Variants in IGF2R observed in about 807,000 individuals in gnomAD.
IGF2R encodes cation-independent mannose-6-phosphate receptor.
Under a neutral mutation model 270.6 loss-of-function variants are expected in IGF2R, and 91 were observed. The ratio of observed to expected loss-of-function variants is 0.34; its 90% CI spans 0.28 to 0.40. The LOEUF is 0.40. IGF2R is among the 10% of genes least tolerant of loss of function. The pLI is 1.00. For missense variants in IGF2R, 2,805 were observed against 3,188.3 expected (o/e 0.88, Z 2.90); for synonymous variants, 1,316 against 1,258.9 (o/e 1.05, Z -0.96).
At chr6:160,047,938 C>A (rs756691172) in intron 17 of IGF2R, 31 bp downstream of exon 17, 2 of 1,390,700 alleles carry the variant, frequency 1.4e-6, no homozygotes, top group African/African-American at 1.4e-5. Context: ...CTGTTTTTGG[C>A]CTGGTACAGA....
At chr6:160,007,896 C>A (rs1306844482) in intron 2 of IGF2R, among the ~76,000 whole-genome samples, 1 of 152,150 alleles carries the variant, frequency 6.6e-6, no homozygotes, top group African/African-American at 2.4e-5. Flanking sequence ...CTTAAGAAAT[C>A]TTTCTCTATC....
At position 160,008,284 on chromosome 6, in the gene IGF2R, C is replaced by T. The variant is rs535198859; in HGVS notation, c.290-726C>T. Reference sequence around the variant, plus strand: ...TTTGTTTCCAGTTCCGTTTTTATTTCCAGTTCTGTTTATTGAACAGCCTCC... The same window carrying T: ...TTTGTTTCCAGTTCCGTTTTTATTTTCAGTTCTGTTTATTGAACAGCCTCC... On this transcript the variant is annotated intron_variant, in intron 2 of 47. Transcript: ENST00000356956. Among the ~76,000 whole-genome samples the T allele has an allele frequency of 6.0e-5, 9 of 151,234 alleles. No homozygotes were observed. The South Asian group carries it at 2.0e-3, about 33-fold the overall frequency.
At position 160,089,952 on chromosome 6, in the gene IGF2R, G is replaced by A; in HGVS notation, c.6504G>A (p.Gly2168=). 1 of 1,601,056 alleles carries A rather than the reference G, an allele frequency of 6.2e-7. No homozygotes were observed. The highest frequency in any genetic ancestry group is 8.5e-7 in the Non-Finnish European group (1 of 1,174,036). ...FRASGDMRTN[G]DNYLYEIQLS... The stretch of plus-strand genomic sequence containing the variant: ...CCTCTGGGGACATGAGGACCAATGG[G>A]GACAACTACCTGTATGAGATCCAAC... Residue 2168 remains glycine (G), a synonymous_variant, in exon 44 of 48, where the codon GGG becomes GGA. Transcript: ENST00000356956.
At chr6:160,022,025 CA>C (rs1777450158) in intron 4 of IGF2R, among the ~76,000 whole-genome samples, 1 of 151,860 alleles carries the variant, frequency 6.6e-6, no homozygotes, top group East Asian at 1.9e-4. Context: ...CACACACACA[CA>C]CACACACACA....
intron 27 of IGF2R, among the ~76,000 whole-genome samples, chr6:160,064,038 C>T (rs1438576930): frequency 6.6e-6 from 1 of 152,188 alleles, no homozygotes; most frequent in African/African-American, 2.4e-5. Context: ...GCTGTTTCAG[C>T]AGTTGGGCAA....
Position 160,075,857 on chromosome 6 carries a change from G to A in IGF2R, c.5177G>A (p.Arg1726Gln), listed in dbSNP as rs747826639. 9.3e-6 allele frequency: 15 copies of A among 1,613,518 alleles called. No individual in the cohort carries two copies. Among genetic ancestry groups the A allele is most frequent in the African/African-American group, 1.3e-5 (1 of 75,034 alleles). Residue 1726 changes from arginine to glutamine, a missense_variant, in exon 36 of 48, where the codon CGG (arginine) becomes CAG (glutamine). Coordinates refer to ENST00000356956, the MANE Select transcript of IGF2R (RefSeq NM_000876.4). ...TCGCTCTTTGTTTAGGATATCGGCC[G>A]GGTAGCAGGACCACCAATACTCAAT... Reference protein sequence around the residue: ...PIDGPPIDIGRVAGPPILNPI... With the variant: ...PIDGPPIDIGQVAGPPILNPI...
Position 160,079,629 on chromosome 6 carries a change from TCGGGC to T in IGF2R, c.5530_5534del (p.Gly1844ArgfsTer6). 6.4e-7 allele frequency: 1 copy of T among 1,553,608 alleles called. No individual in the cohort carries two copies. Among genetic ancestry groups the T allele is most frequent in the Non-Finnish European group, 8.7e-7 (1 of 1,150,266 alleles). ...AGCGTTGGGGTGTGCACCTTTGCAG[TCGGGC>T]CAGAACAAGGAGGCTGTAAGGACGG... On this transcript the variant is annotated frameshift_variant, in exon 38 of 48. Transcript: ENST00000356956. LOFTEE classifies it high-confidence loss of function.
intron 4 of IGF2R, among the ~76,000 whole-genome samples, chr6:160,014,266 T>C (rs1430589160): frequency 6.6e-6 from 1 of 152,236 alleles, no homozygotes; most frequent in Admixed American, 6.5e-5. Context: ...TTATTATATA[T>C]AAAACAGCAT....
rs1160699908 is a variant in IGF2R at position 160,110,612 on chromosome 6, GC to G, written c.*5532del. 6.6e-6 allele frequency: 1 copy of G among 152,206 alleles called. No individual in the cohort carries two copies. Among genetic ancestry groups the G allele is most frequent in the Non-Finnish European group, 1.5e-5 (1 of 68,034 alleles). The allele number at this position is 152,206 out of a possible 1,614,324, so 9.4% of individuals were successfully genotyped here. A position where few individuals can be genotyped will look rare whatever the true frequency, so the allele number is the denominator to read the frequency against. On this transcript the variant is annotated 3_prime_UTR_variant, in exon 48 of 48. Transcript: ENST00000356956. ...TCAGTACCTTGAAGAGATCTCTGCA[GC>G]CCCTGTTCATTGCAGCATTATTCAC...
intron 1 of IGF2R, among the ~76,000 whole-genome samples, chr6:159,987,645 C>G (rs1292784396): frequency 6.6e-6 from 1 of 152,220 alleles, no homozygotes; most frequent in African/African-American, 2.4e-5. Flanking sequence ...ATGCCTCAGC[C>G]TCCCAAAGTG....
At chr6:160,045,302 C>T (rs1253264400) in intron 13 of IGF2R, among the ~76,000 whole-genome samples, 4 of 152,084 alleles carry the variant, frequency 2.6e-5, no homozygotes, top group African/African-American at 9.7e-5. Flanking sequence ...GAAATATTTC[C>T]TTTGGATAAG....
chr6:160,104,807 G>C lies in IGF2R; in HGVS notation c.7199G>C (p.Ser2400Thr), dbSNP rs1463722707. Residue 2400 changes from serine to threonine, a missense_variant, in exon 48 of 48, where the codon AGC becomes ACC. This residue lies in a region of IGF2R where 1,851 missense variants were observed against 2,207.2 expected (regional missense o/e 0.84). Transcript: ENST00000356956. The part of the protein sequence containing the change: ...HITTKSVKAL[S>T]SLHGDDQDSE... ...ACCACCAAGTCAGTGAAAGCCCTCA[G>C]CTCCCTGCATGGGGATGACCAGGAC... is the stretch of plus-strand genomic sequence containing the variant. 3.1e-6 allele frequency: 5 copies of C among 1,614,218 alleles called. No individual in the cohort carries two copies. Among genetic ancestry groups the C allele is most frequent in the Non-Finnish European group, 4.2e-6 (5 of 1,180,040 alleles).
Position 160,004,084 on chromosome 6 carries a change from G to A in IGF2R, c.290-4926G>A, listed in dbSNP as rs1245148685. On this transcript the variant is annotated intron_variant, in intron 2 of 47. Coordinates refer to ENST00000356956, the MANE Select transcript of IGF2R (RefSeq NM_000876.4). This position sits in a 1 kb window ranked among gnomAD's most constrained non-coding sequence, Gnocchi z 5.2. ...AGCTGGAGGTTAAAAAATTGGATGA[G>A]TATTTTTTTTTTTAATTTGGCAAAA... 1.3e-5 allele frequency: 2 copies of A among 152,032 alleles called. No individual in the cohort carries two copies. The highest frequency in any genetic ancestry group is 2.9e-5 in the Non-Finnish European group (2 of 68,020). 9.4% of individuals were successfully genotyped at this position (152,032 alleles called of 1,614,324 possible). A position where few individuals can be genotyped will look rare whatever the true frequency, so the allele number is the denominator to read the frequency against.
chr6:160,011,173 G>A (rs1427507471), intron 4 of IGF2R, among the ~76,000 whole-genome samples: 1 of 152,128 alleles, frequency 6.6e-6, no homozygotes. Context: ...TTTGCACCTG[G>A]CTTTCCACCT....
chr6:159,985,941 G>T (rs1266868908), intron 1 of IGF2R, among the ~76,000 whole-genome samples: 4 of 152,184 alleles, frequency 2.6e-5, no homozygotes, highest in Non-Finnish European at 4.4e-5. Flanking sequence ...CAGCGTTCTT[G>T]GAAAGATGGT....
rs367819391 is a variant in IGF2R at position 160,027,227 on chromosome 6, C to T, written c.689C>T (p.Pro230Leu). 3.6e-5 allele frequency: 58 copies of T among 1,614,136 alleles called. No homozygotes were observed. The highest frequency in any genetic ancestry group is 1.6e-4 in the Middle Eastern group (1 of 6,080). The change falls in exon 6 of 48, where the codon CCC (proline) becomes CTC (leucine). Residue 230 changes from proline to leucine, a missense_variant. Physicochemically the swap from Pro to Leu is moderately conservative, Grantham distance 98. Coordinates refer to ENST00000356956, the MANE Select transcript of IGF2R (RefSeq NM_000876.4). ...DPGSQLRACP[P>L]GTAACLVRGH... ...GGTTCACAGCTGCGGGCCTGTCCCCCCGGCACTGCCGCCTGCCTGGTAAGA... is the reference window on the plus strand; with the variant it reads ...GGTTCACAGCTGCGGGCCTGTCCCCTCGGCACTGCCGCCTGCCTGGTAAGA...
rs2114749801 is a variant in IGF2R, at chr6:160,107,295, C to G, written c.*2211C>G. ...CCCTCTCTGTAAGGAGGGGCATATG[C>G]AGGGACCTGCCCATCCCCTTGGTAA... is the stretch of plus-strand genomic sequence containing the variant. On this transcript the variant is annotated 3_prime_UTR_variant, in exon 48 of 48. Transcript: ENST00000356956. The G allele has an allele frequency of 6.6e-6, 1 of 152,370 alleles. No individual in the cohort carries two copies. The highest frequency in any genetic ancestry group is 2.1e-4 in the South Asian group (1 of 4,828). 9.4% of individuals were successfully genotyped at this position (152,370 alleles called of 1,614,324 possible).
chr6:160,058,930 G>A lies in IGF2R; in HGVS notation c.2923G>A (p.Val975Ile). 1 of 1,614,212 alleles carries A rather than the reference G, an allele frequency of 6.2e-7. No individual in the cohort carries two copies. The highest frequency in any genetic ancestry group is 8.5e-7 in the Non-Finnish European group (1 of 1,180,024). Residue 975 changes from valine to isoleucine, a missense_variant, in exon 22 of 48, where the codon GTC (valine) becomes ATC (isoleucine). Transcript: ENST00000356956. ...FMFNVCGTMPVCGTILGKPAS... is the reference protein window; with the variant it reads ...FMFNVCGTMPICGTILGKPAS... ...GTTTAATGTCTGCGGCACAATGCCTGTCTGTGGGACCATCCTGGGAAAACC... is the reference window on the plus strand; with the variant it reads ...GTTTAATGTCTGCGGCACAATGCCTATCTGTGGGACCATCCTGGGAAAACC...
In IGF2R at chr6:160,010,820, G is replaced by T. The variant is rs746713882; in HGVS notation, c.513+35G>T. Reference sequence around the variant, plus strand: ...GAACTTCAAATTACATGCTTATGAAGTATACTCTGGGGAACTTTATCTTTC... The same window carrying T: ...GAACTTCAAATTACATGCTTATGAATTATACTCTGGGGAACTTTATCTTTC... On this transcript the variant is annotated intron_variant, in intron 4 of 47. Transcript: ENST00000356956. 9.1e-6 allele frequency: 11 copies of T among 1,211,932 alleles called. No homozygotes were observed. The Admixed American group carries it at 1.9e-4, about 21-fold the overall frequency. 75.1% of individuals were successfully genotyped at this position (1,211,932 alleles called of 1,614,324 possible).
Sources: gnomAD v4.1 joint callset for allele counts (sites outside exome capture counted in the v4.1 genomes callset) on GRCh38, gnomAD v4.1.1 for gene constraint, gnomAD v4.1.1 regional missense constraint, Gnocchi (gnomAD v3.1) non-coding constraint, MANE v1.5 for transcripts, NCBI Gene and HGNC (gene_info 2026-07-23, HGNC 2026-07-21) for gene names.